Variants in CADPS2 observed in about 807,000 individuals in gnomAD.
CADPS2 encodes the protein calcium dependent secretion activator 2, also known as calcium-dependent secretion activator 2.
CADPS2 carries 93 observed loss-of-function variants against 172.5 expected under a neutral mutation model. The ratio of observed to expected loss-of-function variants is 0.54; its 90% confidence interval spans 0.46 to 0.64. The LOEUF is 0.64. CADPS2 is among the 30% of genes least tolerant of loss of function. CADPS2 has a pLI of 0.00. For synonymous variants in CADPS2, 546 were observed against 555.2 expected (o/e 0.98, Z 0.23); for missense variants, 1,420 against 1,565.9 (o/e 0.91, Z 1.57).
At chr7:122,635,271 AT>A (rs112889293) in intron 3 of CADPS2, among the ~76,000 whole-genome samples, 33,850 of 148,960 alleles carry the variant, frequency 0.23, 4,287 homozygotes, top group Middle Eastern at 0.33. Flanking sequence ...TGTGTGGCTA[AT>A]TTTTTTTTTT....
intron 1 of CADPS2, chr7:122,850,137 C>A: frequency 8.1e-7 from 1 of 1,228,026 alleles, no homozygotes; most frequent in Non-Finnish European, 1.1e-6. Flanking sequence ...GTTTTAGCAA[C>A]TGCTGAACAG....
At chr7:122,624,584 G>A (rs749912376) in intron 4 of CADPS2, among the ~76,000 whole-genome samples, 8 of 152,132 alleles carry the variant, frequency 5.3e-5, no homozygotes, top group Admixed American at 6.5e-5. Flanking sequence ...TAACTAAATC[G>A]TTGAAGTGTT....
chr7:122,475,814 T>G (rs2056566169), intron 12 of CADPS2, among the ~76,000 whole-genome samples: 1 of 152,200 alleles, frequency 6.6e-6, no homozygotes, highest in Admixed American at 6.5e-5. Flanking sequence ...AATCAATGAA[T>G]GGCAGCTTAT....
chr7:122,763,665 T>C (rs1205430260), intron 1 of CADPS2, among the ~76,000 whole-genome samples: 2 of 152,142 alleles, frequency 1.3e-5, no homozygotes, highest in African/African-American at 4.8e-5. Flanking sequence ...CTTACTGAAT[T>C]AATAAGCGAA....
At chr7:122,826,876 G>A (rs1414416484) in intron 1 of CADPS2, among the ~76,000 whole-genome samples, 1 of 151,806 alleles carries the variant, frequency 6.6e-6, no homozygotes, top group East Asian at 1.9e-4. Flanking sequence ...CTCACGTTAA[G>A]AACCCAGAAA....
intron 19 of CADPS2, among the ~76,000 whole-genome samples, chr7:122,413,555 C>A (rs562289740): frequency 6.6e-4 from 101 of 152,252 alleles, no homozygotes; most frequent in African/African-American, 2.3e-3. Flanking sequence ...AGCTGACATG[C>A]GAGCCACTTG....
chr7:122,641,489 A>G (rs2077638661), intron 3 of CADPS2, among the ~76,000 whole-genome samples: 1 of 152,076 alleles, frequency 6.6e-6, no homozygotes, highest in African/African-American at 2.4e-5. Context: ...TCCCTTGGGG[A>G]ATTATTTGAA....
intron 1 of CADPS2, among the ~76,000 whole-genome samples, chr7:122,837,764 C>A (rs189823043): frequency 4.1e-4 from 62 of 152,182 alleles, no homozygotes; most frequent in Admixed American, 2.6e-3. Context: ...CAATAACAGG[C>A]TCTGAAATTG....
intron 1 of CADPS2, among the ~76,000 whole-genome samples, chr7:122,826,380 C>T (rs1211501617): frequency 6.6e-6 from 1 of 152,106 alleles, no homozygotes; most frequent in African/African-American, 2.4e-5. Flanking sequence ...AGTCTCATAA[C>T]ATAATACAAA....
At chr7:122,806,865 T>C (rs1798896217) in intron 1 of CADPS2, among the ~76,000 whole-genome samples, 1 of 152,206 alleles carries the variant, frequency 6.6e-6, no homozygotes, top group East Asian at 1.9e-4. Flanking sequence ...CAAACAGCCT[T>C]AAAGACTGTG....
chr7:122,347,027 C>T (rs918359960), intron 27 of CADPS2, among the ~76,000 whole-genome samples: 2 of 152,136 alleles, frequency 1.3e-5, no homozygotes, highest in Non-Finnish European at 2.9e-5. Context: ...TAGATAGATC[C>T]ATCGACCTAA....
intron 1 of CADPS2, among the ~76,000 whole-genome samples, chr7:122,861,506 T>C (rs570876657): frequency 5.9e-5 from 9 of 152,356 alleles, no homozygotes; most frequent in African/African-American, 2.2e-4. Context: ...ATTAAACCCT[T>C]GTCAGATGCA....
At chr7:122,839,753 T>C (rs1182855598) in intron 1 of CADPS2, among the ~76,000 whole-genome samples, 2 of 152,160 alleles carry the variant, frequency 1.3e-5, no homozygotes, top group Non-Finnish European at 2.9e-5. Context: ...CCAGTTAGAA[T>C]GGCAATCATT....
At chr7:122,875,380 A>C (rs1331871257) in intron 1 of CADPS2, among the ~76,000 whole-genome samples, 3 of 152,230 alleles carry the variant, frequency 2.0e-5, no homozygotes, top group Admixed American at 2.0e-4. Context: ...CACAACTAAG[A>C]GACTGGAATC....
chr7:122,813,783 T>G (rs1800641435), intron 1 of CADPS2, among the ~76,000 whole-genome samples: 1 of 152,120 alleles, frequency 6.6e-6, no homozygotes. Flanking sequence ...TATTGGAAAA[T>G]ACTTAATGAA....
intron 1 of CADPS2, among the ~76,000 whole-genome samples, chr7:122,764,770 G>A (rs1410114972): frequency 2.6e-5 from 4 of 152,002 alleles, no homozygotes; most frequent in Non-Finnish European, 5.9e-5. Context: ...CAAACATCAA[G>A]GCCCAGAGAA....
chr7:122,540,585 G>T (rs1276012906), intron 8 of CADPS2, among the ~76,000 whole-genome samples: 1 of 151,884 alleles, frequency 6.6e-6, no homozygotes, highest in Non-Finnish European at 1.5e-5. Context: ...GTATCTCCTG[G>T]CAATTAAAAT....
At chr7:122,622,034 C>T (rs542228761) in intron 4 of CADPS2, among the ~76,000 whole-genome samples, 4 of 152,180 alleles carry the variant, frequency 2.6e-5, no homozygotes, top group African/African-American at 4.8e-5. Context: ...GATATTTTAG[C>T]GTATAGATGA....
chr7:122,347,501 G>C (rs2037861941), intron 27 of CADPS2, among the ~76,000 whole-genome samples: 1 of 152,038 alleles, frequency 6.6e-6, no homozygotes, highest in Admixed American at 6.6e-5. Flanking sequence ...ATAAATTCAA[G>C]GATCCTTTCA....
Sources: allele counts gnomAD v4.1 joint callset (sites outside exome capture counted in the v4.1 genomes callset), GRCh38; gene constraint gnomAD v4.1.1; transcripts MANE v1.5; gene names NCBI Gene and HGNC (gene_info 2026-07-23, HGNC 2026-07-21).